Variants in ASTN2 observed in about 807,000 individuals in gnomAD.
ASTN2 encodes the protein astrotactin 2, also known as astrotactin-2.
Under a neutral mutation model 139.8 loss-of-function variants are expected in ASTN2, and 54 were observed. That is an observed-to-expected ratio of 0.39 (90% CI 0.31 to 0.48). ASTN2 has a LOEUF of 0.48. Ranked by LOEUF, ASTN2 falls within the 20% of genes least tolerant of loss-of-function variation. ASTN2 has a pLI of 0.95. For synonymous variants in ASTN2, 756 were observed against 719.5 expected (o/e 1.05, Z -0.81); for missense variants, 1,565 against 1,725.1 (o/e 0.91, Z 1.64).
At chr9:116,958,721 G>A (rs1294770221) in intron 10 of ASTN2, among the ~76,000 whole-genome samples, 1 of 152,110 alleles carries the variant, frequency 6.6e-6, no homozygotes, top group Non-Finnish European at 1.5e-5. Context: ...GGGAGTAGAT[G>A]TTCTAGGATC....
intron 10 of ASTN2, among the ~76,000 whole-genome samples, chr9:116,933,446 G>T (rs994765431): frequency 2.0e-5 from 3 of 152,106 alleles, no homozygotes; most frequent in Non-Finnish European, 4.4e-5. Context: ...CCGCAGAGAA[G>T]TCTGGAGATT....
Position 116,698,393 on chromosome 9 carries a change from T to C in ASTN2, c.2806+27378A>G. ...CTTTGGCTGAAGTTGAGAAGTCCAA[T>C]AGTCAAGTGGTAGAGGAGCAGAGTT... is the stretch of plus-strand genomic sequence containing the variant. On this transcript the variant is annotated intron_variant, in intron 16 of 22. Transcript: ENST00000313400. This position sits in a 1 kb window ranked among gnomAD's most constrained non-coding sequence, Gnocchi z 4.4. 1 of 1,614,026 alleles carries C rather than the reference T, an allele frequency of 6.2e-7. No homozygotes were observed. Among genetic ancestry groups the C allele is most frequent in the Non-Finnish European group, 8.5e-7 (1 of 1,179,992 alleles).
intron 13 of ASTN2, among the ~76,000 whole-genome samples, chr9:116,742,670 A>G (rs1440818866): frequency 1.3e-5 from 2 of 152,134 alleles, no homozygotes; most frequent in Non-Finnish European, 2.9e-5. Flanking sequence ...TGAAGAAGAG[A>G]CTTGAATTTG....
chr9:116,632,405 G>T (rs781084933), intron 17 of ASTN2, among the ~76,000 whole-genome samples: 14 of 150,864 alleles, frequency 9.3e-5, no homozygotes, highest in African/African-American at 2.7e-4. Context: ...GACCAGCCTG[G>T]CCAATATAGT....
At chr9:117,299,930 C>A (rs1358766475) in intron 1 of ASTN2, among the ~76,000 whole-genome samples, 1 of 152,132 alleles carries the variant, frequency 6.6e-6, no homozygotes, top group African/African-American at 2.4e-5. Context: ...TATCCTGGAG[C>A]ACAAATTACA....
At chr9:117,261,379 T>C (rs1487181894) in intron 2 of ASTN2, among the ~76,000 whole-genome samples, 1 of 152,206 alleles carries the variant, frequency 6.6e-6, no homozygotes, top group Non-Finnish European at 1.5e-5. Flanking sequence ...AGGTGTTGCA[T>C]AGGCAGCAGA....
intron 1 of ASTN2, among the ~76,000 whole-genome samples, chr9:117,394,385 C>A (rs1305429707): frequency 1.3e-5 from 2 of 152,144 alleles, no homozygotes; most frequent in African/African-American, 2.4e-5. Flanking sequence ...TGATCCTAGG[C>A]ACACTTCATA....
At chr9:117,208,664 G>A (rs1282507802) in intron 3 of ASTN2, among the ~76,000 whole-genome samples, 1 of 152,156 alleles carries the variant, frequency 6.6e-6, no homozygotes, top group Non-Finnish European at 1.5e-5. Flanking sequence ...AACCCAAACA[G>A]ATCTTCTTCA....
At chr9:117,245,416 G>A (rs1833350651) in intron 2 of ASTN2, among the ~76,000 whole-genome samples, 1 of 152,194 alleles carries the variant, frequency 6.6e-6, no homozygotes, top group South Asian at 2.1e-4. Context: ...GGCCCAGTTT[G>A]CAAAGCGGCA....
intron 1 of ASTN2, among the ~76,000 whole-genome samples, chr9:117,354,204 G>T (rs1038237523): frequency 6.6e-6 from 1 of 152,018 alleles, no homozygotes; most frequent in Non-Finnish European, 1.5e-5. Context: ...CTTTCTATAA[G>T]CCTAAAACTA....
At chr9:116,935,397 G>T (rs10217713) in intron 10 of ASTN2, among the ~76,000 whole-genome samples, 4 of 152,220 alleles carry the variant, frequency 2.6e-5, no homozygotes, top group Non-Finnish European at 5.9e-5. Context: ...TACTGCCTAC[G>T]TTATGGGAAG....
chr9:117,144,651 T>G (rs1830149280), intron 3 of ASTN2, among the ~76,000 whole-genome samples: 10 of 134,370 alleles, frequency 7.4e-5, no homozygotes, highest in East Asian at 2.2e-4. Flanking sequence ...TTGAGAGGAG[T>G]GAACACTAGT....
chr9:117,401,449 G>A (rs116504573), intron 1 of ASTN2, among the ~76,000 whole-genome samples: 1,557 of 152,214 alleles, frequency 0.01, 25 homozygotes, highest in African/African-American at 0.034. Flanking sequence ...GCAACTCAGA[G>A]AAAAAGGCAA....
chr9:117,232,223 T>C (rs556396875), intron 2 of ASTN2, among the ~76,000 whole-genome samples: 88 of 152,324 alleles, frequency 5.8e-4, no homozygotes, highest in South Asian at 1.2e-3. Context: ...GTTTTGAGGA[T>C]TAAGTGAAGA....
At chr9:116,739,090 G>A (rs114684031) in intron 13 of ASTN2, among the ~76,000 whole-genome samples, 4,715 of 152,118 alleles carry the variant, frequency 0.031, 255 homozygotes, top group African/African-American at 0.11. Context: ...AATCTCAGTC[G>A]ACATTCTAGG....
rs577393074 is a variant in ASTN2 at position 116,607,584 on chromosome 9, G to A, written c.3355+10740C>T. ...AGAGCACTGTTTCCTGGAAAATAAA[G>A]AAGAATCTTGGATTTCTATTTCTGG... On this transcript the variant is annotated intron_variant, in intron 19 of 22. Coordinates refer to ENST00000313400, the MANE Select transcript of ASTN2 (RefSeq NM_001365068.1). Among the ~76,000 whole-genome samples, 281 of 151,538 alleles carry A rather than the reference G, an allele frequency of 1.9e-3. 1 individual carries two copies. Among genetic ancestry groups the A allele is most frequent in the African/African-American group, 6.5e-3 (270 of 41,298 alleles).
At chr9:117,106,715 A>G (rs1193339288) in intron 4 of ASTN2, among the ~76,000 whole-genome samples, 2 of 152,214 alleles carry the variant, frequency 1.3e-5, no homozygotes, top group African/African-American at 4.8e-5. Context: ...ATACGTTTTT[A>G]CAACTAGGTT....
At chr9:117,178,166 C>T (rs1830964923) in intron 3 of ASTN2, among the ~76,000 whole-genome samples, 1 of 152,208 alleles carries the variant, frequency 6.6e-6, no homozygotes, top group South Asian at 2.1e-4. Context: ...ATTCTCTCTA[C>T]TCCATCTTGA....
intron 4 of ASTN2, among the ~76,000 whole-genome samples, chr9:117,109,913 T>G (rs4838204): frequency 0.062 from 9,503 of 152,166 alleles, 645 homozygotes; most frequent in East Asian, 0.18. Context: ...AAGTATATCT[T>G]CTCCCTCTAT....
Sources: allele counts gnomAD v4.1 joint callset (sites outside exome capture counted in the v4.1 genomes callset), GRCh38; gene constraint gnomAD v4.1.1; non-coding constraint Gnocchi (gnomAD v3.1); transcripts MANE v1.5; gene names NCBI Gene and HGNC (gene_info 2026-07-23, HGNC 2026-07-21).